The following FOXK2 variants were observed in gnomAD, a reference collection of about 807,000 sequenced individuals.
The protein encoded by FOXK2 is forkhead box K2, also known as forkhead box protein K2.
A neutral mutation model predicts 53.3 loss-of-function variants in FOXK2; 24 were observed. That is an observed-to-expected ratio of 0.45 (90% confidence interval 0.33 to 0.63). The LOEUF (loss-of-function observed/expected upper bound fraction) is 0.63. Ranked by LOEUF, FOXK2 falls within the 30% of genes least tolerant of loss-of-function variation. FOXK2 has a pLI of 0.03. For synonymous variants in FOXK2, 505 were observed against 407.1 expected (o/e 1.24, Z -2.89); for missense variants, 952 against 910.5 (o/e 1.05, Z -0.59).
At chr17:82,577,622 G>C (rs940619302) in intron 4 of FOXK2, among the ~76,000 whole-genome samples, 6 of 152,224 alleles carry the variant, frequency 3.9e-5, no homozygotes, top group African/African-American at 1.4e-4. Flanking sequence ...GATTTTTATG[G>C]TTTTATGATT....
chr17:82,550,157 T>G (rs1274171911), intron 1 of FOXK2, among the ~76,000 whole-genome samples: 1 of 152,120 alleles, frequency 6.6e-6, no homozygotes, highest in Non-Finnish European at 1.5e-5. Flanking sequence ...TGCCACTGCC[T>G]TCCAGCCTGG....
chr17:82,556,046 A>G (rs1254992530), intron 1 of FOXK2, among the ~76,000 whole-genome samples: 4 of 152,172 alleles, frequency 2.6e-5, no homozygotes, highest in East Asian at 3.9e-4. Flanking sequence ...TAAACTGTCT[A>G]TTGAAGTATA....
At chr17:82,579,113 G>A (rs560295053) in intron 4 of FOXK2, among the ~76,000 whole-genome samples, 53 of 152,302 alleles carry the variant, frequency 3.5e-4, no homozygotes, top group African/African-American at 1.3e-3. Flanking sequence ...AGGGGAAGTC[G>A]TCCTTCTCAG....
chr17:82,582,649 GT>G, intron 4 of FOXK2, 91 bp from the exon 5 acceptor site: 1 of 1,075,660 alleles, frequency 9.3e-7, no homozygotes, highest in Non-Finnish European at 1.3e-6. Flanking sequence ...CAACATGTAG[GT>G]TTCTGCTTTT....
At position 82,584,166 on chromosome 17, in the gene FOXK2, C is replaced by T. The variant is rs1334796348; in HGVS notation, c.1257C>T (p.Ala419=). Residue 419 remains alanine, a synonymous_variant, in exon 6 of 9, where the codon GCC becomes GCT. Coordinates refer to ENST00000335255, the MANE Select transcript of FOXK2 (RefSeq NM_004514.4). ...AQPKLAVIQE[A]RFAQSAPGSP... is the part of the protein sequence containing the mutation. ...CCAAACTCGCTGTCATCCAGGAAGC[C>T]CGGTTTGCCCAGAGCGCCCCAGGTG... is the stretch of plus-strand genomic sequence containing the variant. 8 of 1,606,932 alleles carry T rather than the reference C, an allele frequency of 5.0e-6. No individual in the cohort carries two copies. The highest frequency in any genetic ancestry group is 6.8e-6 in the Non-Finnish European group (8 of 1,178,050).
intron 2 of FOXK2, among the ~76,000 whole-genome samples, chr17:82,566,736 T>G (rs1598215687): frequency 6.6e-6 from 1 of 152,270 alleles, no homozygotes; most frequent in Middle Eastern, 3.4e-3. Context: ...CCTGCTGCTT[T>G]CTTTTCATCC....
intron 1 of FOXK2, among the ~76,000 whole-genome samples, chr17:82,526,830 C>CAAAA (rs140941748): frequency 3.3e-5 from 4 of 121,430 alleles, no homozygotes; most frequent in Non-Finnish European, 7.0e-5. Context: ...GACTCCGTCT[C>CAAAA]AAAAAAAAAA....
At chr17:82,532,899 GC>G (rs2044485880) in intron 1 of FOXK2, among the ~76,000 whole-genome samples, 1 of 152,046 alleles carries the variant, frequency 6.6e-6, no homozygotes, top group Non-Finnish European at 1.5e-5. Context: ...TATTTGATAA[GC>G]TTTTTTCTGT....
chr17:82,584,725 T>C (rs1031656318), intron 6 of FOXK2, among the ~76,000 whole-genome samples: 11 of 152,212 alleles, frequency 7.2e-5, no homozygotes, highest in Admixed American at 3.3e-4. Context: ...TTTGTATTTT[T>C]AGTAGAGACA....
Position 82,547,397 on chromosome 17 carries a change from A to G in FOXK2, c.420-15957A>G, listed in dbSNP as rs150485312. Among the ~76,000 whole-genome samples, 217 of 152,320 alleles carry G rather than the reference A, an allele frequency of 1.4e-3. 1 individual carries two copies. Among genetic ancestry groups the G allele is most frequent in the African/African-American group, 5.1e-3 (211 of 41,566 alleles). ...ATCACAAAAATCATAATGTTTTAAG[A>G]AAGTTTATGAATTTGTATTGGGCCA... On this transcript the variant is annotated intron_variant, in intron 1 of 8. Coordinates refer to ENST00000335255, the MANE Select transcript of FOXK2 (RefSeq NM_004514.4).
Position 82,586,071 on chromosome 17 carries a change from A to G in FOXK2, c.1447A>G (p.Thr483Ala). The G allele has an allele frequency of 1.2e-6, 2 of 1,612,804 alleles. No homozygotes were observed. The highest frequency in any genetic ancestry group is 1.7e-6 in the Non-Finnish European group (2 of 1,179,970). ...CCACCAGATCCCAGCGGTGTCGGTCACCAGTGTGGCCGGACTGGCCCCAGC... is the reference window on the plus strand; with the variant it reads ...CCACCAGATCCCAGCGGTGTCGGTCGCCAGTGTGGCCGGACTGGCCCCAGC... The part of the protein sequence containing the change: ...VVHQIPAVSV[T>A]SVAGLAPANT... Residue 483 changes from threonine to alanine, a missense_variant, in exon 7 of 9, where the codon ACC becomes GCC. Physicochemically the swap from Thr to Ala is moderately conservative, Grantham distance 58. Transcript: ENST00000335255.
intron 8 of FOXK2, chr17:82,587,523 C>T (rs1403000060): frequency 1.8e-5 from 9 of 512,288 alleles, no homozygotes; most frequent in East Asian, 3.5e-5. Flanking sequence ...AAAATACTCT[C>T]GCCTCTTGTA....
intron 2 of FOXK2, among the ~76,000 whole-genome samples, chr17:82,567,582 C>T (rs1304519388): frequency 1.3e-5 from 2 of 152,236 alleles, no homozygotes; most frequent in African/African-American, 2.4e-5. Context: ...GCTTGCTCCA[C>T]TTCAGCTCCA....
chr17:82,563,671 TATC>T (rs1181414644), intron 2 of FOXK2, 123 bp downstream of exon 2: 5 of 806,854 alleles, frequency 6.2e-6, no homozygotes, highest in Non-Finnish European at 9.1e-6. Flanking sequence ...GTGTTTAAAA[TATC>T]ATTGGATTTC....
chr17:82,582,711 G>A (rs1484737647), intron 4 of FOXK2, 30 bp from the exon 5 acceptor site: 1 of 1,517,230 alleles, frequency 6.6e-7, no homozygotes, highest in Admixed American at 2.2e-5. Flanking sequence ...ATAAATATAT[G>A]AATTCTACGT....
chr17:82,560,836 C>T (rs923009090), intron 1 of FOXK2, among the ~76,000 whole-genome samples: 4 of 152,126 alleles, frequency 2.6e-5, no homozygotes, highest in Non-Finnish European at 5.9e-5. Context: ...TGGCATGCGC[C>T]TCTAGTCCCA....
chr17:82,588,447 AGGGCTGGCG>A (rs2045218531), intron 8 of FOXK2: 1 of 103,004 alleles, frequency 9.7e-6, no homozygotes, highest in Admixed American at 1.0e-4. Context: ...AGGCGGTTGG[AGGGCTGGCG>A]GTTGGAGGGC....
At chr17:82,579,787 C>T (rs2045035416) in intron 4 of FOXK2, among the ~76,000 whole-genome samples, 1 of 78,976 alleles carries the variant, frequency 1.3e-5, no homozygotes, top group African/African-American at 5.7e-5. Context: ...ATCCCTCCCA[C>T]ACATGGCCTA....
chr17:82,552,030 A>T (rs1156837112), intron 1 of FOXK2, among the ~76,000 whole-genome samples: 3 of 152,120 alleles, frequency 2.0e-5, no homozygotes, highest in African/African-American at 7.2e-5. Context: ...TGGAGTCCTC[A>T]GGGTGTGAGG....
Sources: gnomAD v4.1 joint callset for allele counts (sites outside exome capture counted in the v4.1 genomes callset) on GRCh38, gnomAD v4.1.1 for gene constraint, MANE v1.5 for transcripts, NCBI Gene and HGNC (gene_info 2026-07-23, HGNC 2026-07-21) for gene names.